Variants in COLEC10 observed in about 807,000 individuals in gnomAD.
COLEC10 encodes the protein collectin subfamily member 10, also known as collectin-10.
Under a neutral mutation model 28.4 loss-of-function variants are expected in COLEC10, and 22 were observed. That is an observed-to-expected ratio of 0.78 (90% CI 0.55 to 1.11). The LOEUF (loss-of-function observed/expected upper bound fraction) is 1.11. COLEC10 is among the 50% of genes least tolerant of loss of function. COLEC10 has a pLI of 0.00. For synonymous variants in COLEC10, 125 were observed against 116.1 expected (o/e 1.08, Z -0.49); for missense variants, 361 against 344.1 (o/e 1.05, Z -0.39).
intron 1 of COLEC10, among the ~76,000 whole-genome samples, chr8:119,084,637 C>T (rs1815434001): frequency 6.6e-6 from 1 of 152,002 alleles, no homozygotes; most frequent in African/African-American, 2.4e-5. Context: ...TGCCTACAGC[C>T]CTTTAAAAAG....
chr8:119,052,197 T>C (rs1314482044), intron 2 of COLEC10, among the ~76,000 whole-genome samples: 1 of 152,200 alleles, frequency 6.6e-6, no homozygotes. Context: ...TAAAGCATTT[T>C]AGCCAATAGG....
In COLEC10 at chr8:119,106,135, A is replaced by G. The variant is rs373495591; in HGVS notation, c.778A>G (p.Thr260Ala). 3 of 1,613,544 alleles carry G rather than the reference A, an allele frequency of 1.9e-6. No individual in the cohort carries two copies. The highest frequency in any genetic ancestry group is 2.5e-6 in the Non-Finnish European group (3 of 1,179,570). The change falls in exon 6 of 6, where the codon ACA becomes GCA. Residue 260 changes from threonine (T) to alanine (A), a missense_variant. Transcript: ENST00000332843. ...EMLSSGRWNDTECHLTMYFVC... is the reference protein window; with the variant it reads ...EMLSSGRWNDAECHLTMYFVC... The stretch of plus-strand genomic sequence containing the variant: ...GCTGAGCTCTGGCAGATGGAATGAC[A>G]CAGAGTGCCATCTTACCATGTACTT...
chr8:119,004,115 A>G (rs1245175396), intron 1 of COLEC10, among the ~76,000 whole-genome samples: 1 of 152,086 alleles, frequency 6.6e-6, no homozygotes, highest in African/African-American at 2.4e-5. Context: ...AATGCTTTTC[A>G]TAGTAAGCAA....
At chr8:118,954,633 A>G in the COLEC10 span, among the ~76,000 whole-genome samples, 1 of 152,186 alleles carries the variant, frequency 6.6e-6, no homozygotes, top group Non-Finnish European at 1.5e-5. Flanking sequence ...GATATATGTG[A>G]CGCTAACTTT....
At chr8:119,076,283 C>T (rs1485077725) in intron 1 of COLEC10, among the ~76,000 whole-genome samples, 15 of 137,526 alleles carry the variant, frequency 1.1e-4, no homozygotes, top group East Asian at 2.1e-4. Context: ...TTTTTTGAGA[C>T]GGAGTTTTGC....
the COLEC10 span, among the ~76,000 whole-genome samples, chr8:118,953,554 T>G: frequency 1.3e-5 from 2 of 152,218 alleles, no homozygotes; most frequent in Non-Finnish European, 2.9e-5. Flanking sequence ...GTGTTAACCC[T>G]GGGAAAGGTT....
At chr8:119,101,416 G>A (rs996711783) in intron 3 of COLEC10, among the ~76,000 whole-genome samples, 9 of 151,972 alleles carry the variant, frequency 5.9e-5, no homozygotes, top group Admixed American at 2.0e-4. Flanking sequence ...CAATTATTGT[G>A]TCTGATGTGG....
chr8:118,966,759 C>T, the COLEC10 span, among the ~76,000 whole-genome samples: 2 of 151,734 alleles, frequency 1.3e-5, no homozygotes, highest in Non-Finnish European at 2.9e-5. Context: ...GAATTTTACT[C>T]TTCAGCTCCA....
upstream of COLEC10, among the ~76,000 whole-genome samples, chr8:119,063,695 A>G (rs980303206): frequency 1.2e-5 from 1 of 81,838 alleles, no homozygotes; most frequent in Non-Finnish European, 2.4e-5. Context: ...AGATGTGGAT[A>G]TATATATATA....
intron 1 of COLEC10, among the ~76,000 whole-genome samples, chr8:119,006,692 C>T (rs1813805364): frequency 6.6e-6 from 1 of 151,996 alleles, no homozygotes; most frequent in Non-Finnish European, 1.5e-5. Flanking sequence ...CAGATATTCC[C>T]TGGATATTCC....
intron 2 of COLEC10, among the ~76,000 whole-genome samples, chr8:119,020,618 G>T (rs1308475022): frequency 6.6e-6 from 1 of 152,104 alleles, no homozygotes; most frequent in African/African-American, 2.4e-5. Context: ...GGATAAGACA[G>T]GAAGTAGCTA....
intron 2 of COLEC10, among the ~76,000 whole-genome samples, chr8:119,016,946 T>A (rs1490780456): frequency 1.3e-5 from 2 of 152,066 alleles, no homozygotes; most frequent in African/African-American, 2.4e-5. Flanking sequence ...GATCTCTTGA[T>A]CTTGTGATCC....
At chr8:119,028,941 A>G (rs1024403789) in intron 2 of COLEC10, among the ~76,000 whole-genome samples, 1 of 152,200 alleles carries the variant, frequency 6.6e-6, no homozygotes, top group African/African-American at 2.4e-5. Flanking sequence ...TAATGGTGCT[A>G]GATGCAAGTA....
At chr8:118,963,205 T>TC in the COLEC10 span, among the ~76,000 whole-genome samples, 9 of 152,196 alleles carry the variant, frequency 5.9e-5, no homozygotes, top group African/African-American at 2.2e-4. Flanking sequence ...CAACTACCAT[T>TC]TATAGAATAT....
At chr8:119,096,896 C>T (rs1396098650) in intron 3 of COLEC10, among the ~76,000 whole-genome samples, 1 of 151,834 alleles carries the variant, frequency 6.6e-6, no homozygotes. Flanking sequence ...GGTAAGGATG[C>T]AGAACAACTG....
rs186045847 is a variant in COLEC10 at position 119,041,346 on chromosome 8, A to T, written n.235+31793A>T. Among the ~76,000 whole-genome samples the T allele has an allele frequency of 3.1e-3, 466 of 152,360 alleles. 5 individuals are homozygous for T. The highest frequency in any genetic ancestry group is 0.022 in the South Asian group (106 of 4,832). The stretch of plus-strand genomic sequence containing the variant: ...CTTACCTGAAGTTCTTTTTAAAAAC[A>T]AAACAAATAACAACATTTCCTCTAG... On this transcript the variant is annotated intron_variant and non_coding_transcript_variant, in intron 2 of 6. Coordinates refer to the COLEC10 transcript ENST00000521788.
intron 2 of COLEC10, among the ~76,000 whole-genome samples, chr8:119,010,369 T>A (rs950025990): frequency 6.6e-6 from 1 of 151,028 alleles, no homozygotes; most frequent in Non-Finnish European, 1.5e-5. Context: ...AAATAATAGT[T>A]CATTGTTTGG....
the COLEC10 span, among the ~76,000 whole-genome samples, chr8:118,977,573 G>C: frequency 2.2e-5 from 3 of 137,022 alleles, no homozygotes; most frequent in African/African-American, 8.3e-5. Flanking sequence ...ACACAGGAAG[G>C]GGAACATCAC....
intron 1 of COLEC10, among the ~76,000 whole-genome samples, chr8:119,007,585 T>C (rs913972303): frequency 4.6e-5 from 7 of 151,320 alleles, no homozygotes; most frequent in African/African-American, 1.5e-4. Context: ...GGGAGCCCAG[T>C]TGGCCTGAAA....
Sources: allele counts gnomAD v4.1 joint callset (sites outside exome capture counted in the v4.1 genomes callset), GRCh38; gene constraint gnomAD v4.1.1; transcripts MANE v1.5; gene names NCBI Gene and HGNC (gene_info 2026-07-23, HGNC 2026-07-21).